Variants in CDH23 observed in about 807,000 individuals in gnomAD.
CDH23 encodes the protein cadherin related 23, also known as cadherin-23.
A neutral mutation model predicts 317.1 loss-of-function variants in CDH23; 189 were observed. The ratio of observed to expected loss-of-function variants is 0.60; its 90% CI spans 0.53 to 0.67. The LOEUF is 0.67. CDH23 is among the 30% of genes least tolerant of loss of function. The pLI, the probability that CDH23 is intolerant of heterozygous loss-of-function variation, is 0.00. For missense variants in CDH23, 4,401 were observed against 4,592.4 expected (o/e 0.96, Z 1.20); for synonymous variants, 1,839 against 1,876.8 (o/e 0.98, Z 0.52).
Position 71,730,540 on chromosome 10 carries a change from G to A in CDH23, c.3651G>A (p.Gly1217=), listed in dbSNP as rs1171118467. 6.2e-7 allele frequency: 1 copy of A among 1,613,974 alleles called. No individual in the cohort carries two copies. The highest frequency in any genetic ancestry group is 1.7e-5 in the Admixed American group (1 of 60,032). Residue 1217 remains glycine (G), a synonymous_variant, in exon 31 of 70, where the codon GGG becomes GGA. Coordinates refer to ENST00000224721, the MANE Select transcript of CDH23 (RefSeq NM_022124.6). ...CACAGCAGCAGTACAGCCGTCTGGG[G>A]CTTCGAGAGACCGCAGGCATTGGAA... is the stretch of plus-strand genomic sequence containing the variant. The part of the protein sequence containing the change: ...VFTQQQYSRL[G]LRETAGIGTS...
At chr10:71,485,541 C>T (rs1482663934) in intron 3 of CDH23, among the ~76,000 whole-genome samples, 1 of 152,212 alleles carries the variant, frequency 6.6e-6, no homozygotes, top group Non-Finnish European at 1.5e-5. Flanking sequence ...AGGATATTCC[C>T]ACCTGCTCCC....
chr10:71,399,086 G>T (rs1325286875), intron 1 of CDH23, among the ~76,000 whole-genome samples: 1 of 152,228 alleles, frequency 6.6e-6, no homozygotes, highest in Non-Finnish European at 1.5e-5. Flanking sequence ...TACCTTACCT[G>T]CAGTTTCACC....
At chr10:71,769,229 T>TCTTTCTCCCAC (rs57151070) in intron 38 of CDH23, among the ~76,000 whole-genome samples, 1 of 152,228 alleles carries the variant, frequency 6.6e-6, no homozygotes, top group African/African-American at 2.4e-5. Flanking sequence ...CTCTAAAACA[T>TCTTTCTCCCAC]TTGCTAATCT....
chr10:71,475,465 C>CT (rs1431171630), intron 3 of CDH23, among the ~76,000 whole-genome samples: 5 of 152,304 alleles, frequency 3.3e-5, no homozygotes, highest in South Asian at 4.2e-4. Context: ...TTGAGGACAG[C>CT]TTTTTTGCAC....
intron 56 of CDH23, 74 bp downstream of exon 56, chr10:71,806,071 C>G: frequency 6.5e-7 from 1 of 1,534,178 alleles, no homozygotes; most frequent in Non-Finnish European, 8.8e-7. Flanking sequence ...TTGCACCTCG[C>G]CTCCTGGAAA....
Position 71,728,857 on chromosome 10 carries a change from C to T in CDH23, c.3580-1612C>T, listed in dbSNP as rs1320836354. ...TAGCTGGGATTACAGATGCATGTCA[C>T]CACCCCCGGCTAATTTTTTTTAGAG... On this transcript the variant is annotated intron_variant, in intron 30 of 69. Transcript: ENST00000224721. 2.0e-5 allele frequency among the ~76,000 whole-genome samples: 3 copies of T among 152,210 alleles called. 1 individual carries two copies. Among genetic ancestry groups the T allele is most frequent in the Non-Finnish European group, 1.5e-5 (1 of 67,994 alleles).
chr10:71,547,323 C>CA (rs1464124848), intron 6 of CDH23, among the ~76,000 whole-genome samples: 1 of 152,232 alleles, frequency 6.6e-6, no homozygotes, highest in South Asian at 2.1e-4. Flanking sequence ...AGGATTCTAG[C>CA]AGACGGATGG....
chr10:71,802,817 A>C, intron 53 of CDH23, 81 bp from the exon 54 acceptor site: 1 of 1,465,176 alleles, frequency 6.8e-7, no homozygotes, highest in African/African-American at 1.4e-5. Flanking sequence ...TCCTCTATCC[A>C]GGCTTACTCC....
At chr10:71,638,414 G>T (rs908011446) in intron 11 of CDH23, among the ~76,000 whole-genome samples, 1 of 152,254 alleles carries the variant, frequency 6.6e-6, no homozygotes, top group Admixed American at 6.5e-5. Context: ...GACAAAGGAG[G>T]CATCTGCAGG....
chr10:71,807,144 C>A, intron 57 of CDH23, 133 bp from the exon 58 acceptor site: 1 of 1,135,628 alleles, frequency 8.8e-7, no homozygotes, highest in Non-Finnish European at 1.2e-6. Flanking sequence ...TACAACGGTT[C>A]TACTCACCCC....
intron 28 of CDH23, among the ~76,000 whole-genome samples, chr10:71,721,459 T>C (rs1294959120): frequency 6.6e-6 from 1 of 152,162 alleles, no homozygotes. Flanking sequence ...CCCTCAACCC[T>C]GCAAGGCTGG....
chr10:71,426,639 C>T (rs1470156986), intron 1 of CDH23, among the ~76,000 whole-genome samples: 2 of 152,076 alleles, frequency 1.3e-5, no homozygotes, highest in Non-Finnish European at 2.9e-5. Flanking sequence ...GGCAGTTTAC[C>T]TCACTTAGTT....
chr10:71,683,483 A>AC (rs1425797637), intron 18 of CDH23, among the ~76,000 whole-genome samples: 5 of 152,152 alleles, frequency 3.3e-5, no homozygotes, highest in Non-Finnish European at 5.9e-5. Context: ...TGTCTTCTCA[A>AC]CCCGAGGCTG....
Position 71,812,788 on chromosome 10 carries a change from A to G in CDH23, c.9531A>G (p.Pro3177=). The part of the protein sequence containing the change: ...TRTHGTFGRE[P]AAVKPDDDRY... Reference sequence around the variant, plus strand: ...CCCAGGGAACTTTTGGGCGTGAGCCAGCAGCTGTCAAGCCTGATGATGACC... The same window carrying G: ...CCCAGGGAACTTTTGGGCGTGAGCCGGCAGCTGTCAAGCCTGATGATGACC... The change falls in exon 68 of 70, where the codon CCA becomes CCG. Residue 3177 remains proline, a synonymous_variant. Transcript: ENST00000224721. The G allele has an allele frequency of 6.2e-7, 1 of 1,613,322 alleles. No homozygotes were observed. Among genetic ancestry groups the G allele is most frequent in the Non-Finnish European group, 8.5e-7 (1 of 1,179,598 alleles).
rs768944786 is a variant in CDH23, at chr10:71,784,267, C to T, written c.5369-20C>T. 16 of 1,606,966 alleles carry T rather than the reference C, an allele frequency of 1.0e-5. No homozygotes were observed. The highest frequency in any genetic ancestry group is 1.3e-5 in the Non-Finnish European group (15 of 1,175,280). On this transcript the variant is annotated intron_variant, in intron 41 of 69. Coordinates refer to ENST00000224721, the MANE Select transcript of CDH23 (RefSeq NM_022124.6). ...CCTGCCAATGCCCGACTAACTTGGGCCTCTCCTGGTGACACCCAGGGGAGT... is the reference window on the plus strand; with the variant it reads ...CCTGCCAATGCCCGACTAACTTGGGTCTCTCCTGGTGACACCCAGGGGAGT...
intron 3 of CDH23, among the ~76,000 whole-genome samples, chr10:71,505,196 C>T (rs1349700597): frequency 1.3e-5 from 2 of 152,102 alleles, no homozygotes; most frequent in Non-Finnish European, 2.9e-5. Context: ...CATAAAGATG[C>T]GTTATTGTCA....
At chr10:71,454,255 T>C (rs1175453814) in intron 3 of CDH23, among the ~76,000 whole-genome samples, 1 of 152,238 alleles carries the variant, frequency 6.6e-6, no homozygotes, top group South Asian at 2.1e-4. Flanking sequence ...TCAGTTTACC[T>C]CTTTGGGTTT....
intron 6 of CDH23, among the ~76,000 whole-genome samples, chr10:71,533,694 TG>T (rs1287849326): frequency 1.3e-5 from 2 of 152,158 alleles, no homozygotes; most frequent in African/African-American, 4.8e-5. Context: ...TTCTCCTCTT[TG>T]GCACTGGAGA....
At chr10:71,427,125 A>C (rs1014404834) in intron 1 of CDH23, among the ~76,000 whole-genome samples, 1 of 148,914 alleles carries the variant, frequency 6.7e-6, no homozygotes, top group Non-Finnish European at 1.5e-5. Flanking sequence ...CACTCCATCC[A>C]GCCTGGGCAA....
Sources: gnomAD v4.1 joint callset for allele counts (sites outside exome capture counted in the v4.1 genomes callset) on GRCh38, gnomAD v4.1.1 for gene constraint, MANE v1.5 for transcripts, NCBI Gene and HGNC (gene_info 2026-07-23, HGNC 2026-07-21) for gene names.